The following NOP58 variants were observed in gnomAD, a reference collection of about 807,000 sequenced individuals.
NOP58 encodes the protein NOP58 ribonucleoprotein, also known as nucleolar protein 58.
Under a neutral mutation model 71.2 loss-of-function variants are expected in NOP58, and 44 were observed. That is an observed-to-expected ratio of 0.62 (90% CI 0.49 to 0.79). NOP58 has a LOEUF of 0.79. Among genes scored for constraint, NOP58 ranks in the 30% least tolerant of loss-of-function variants. NOP58 has a pLI of 0.00. For synonymous variants in NOP58, 228 were observed against 200.3 expected, an observed-to-expected ratio of 1.14 and a Z score of -1.17; for missense variants, 538 against 620.2, an observed-to-expected ratio of 0.87 and a Z score of 1.41.
Position 202,288,763 on chromosome 2 carries a change from C to T in NOP58, c.499+1039C>T, listed in dbSNP as rs187926755. ...CTGAGAGGCGGAGGTTGCAGTGGGC[C>T]GAGATCGCACCATTTCACTCTAGCT... On this transcript the variant is annotated intron_variant, in intron 6 of 14. Coordinates refer to ENST00000264279, the MANE Select transcript of NOP58 (RefSeq NM_015934.5). Among the ~76,000 whole-genome samples the T allele has an allele frequency of 4.6e-5, 7 of 150,568 alleles. No individual in the cohort carries two copies. In the East Asian group the frequency reaches 7.8e-4, roughly 17 times the overall value.
At chr2:202,293,094 G>T (rs1214896844) in intron 9 of NOP58, 191 bp downstream of exon 9, 1 of 760,898 alleles carries the variant, frequency 1.3e-6, no homozygotes, top group Non-Finnish European at 2.4e-6. Flanking sequence ...TTTCCTTTTG[G>T]ATAATGAAGG....
intron 2 of NOP58, 70 bp from the exon 3 acceptor site, chr2:202,277,880 A>T (rs1321669347): frequency 4.9e-6 from 4 of 811,096 alleles, no homozygotes; most frequent in Non-Finnish European, 2.1e-6. Flanking sequence ...ACTTCTTTCC[A>T]AGTTATGTGG....
chr2:202,274,297 G>T (rs1438161335), intron 1 of NOP58, among the ~76,000 whole-genome samples: 2 of 151,742 alleles, frequency 1.3e-5, no homozygotes, highest in East Asian at 3.9e-4. Flanking sequence ...GCGCAATCTC[G>T]GCTCACTGCA....
Position 202,265,803 on chromosome 2 carries a change from T to A in NOP58, c.-139T>A. On this transcript the variant is annotated 5_prime_UTR_variant, in exon 1 of 15. Transcript: ENST00000264279. Reference sequence around the variant, plus strand: ...CGTGGAGGGTTTAGGCAGCGTGTTCTGATTCTTTGCGGGACGGCGAGCGCA... The same window carrying A: ...CGTGGAGGGTTTAGGCAGCGTGTTCAGATTCTTTGCGGGACGGCGAGCGCA... 1 of 856,102 alleles carries A rather than the reference T, an allele frequency of 1.2e-6. No individual in the cohort carries two copies. Among genetic ancestry groups the A allele is most frequent in the Non-Finnish European group, 1.9e-6 (1 of 521,578 alleles). The allele number at this position is 856,102 out of a possible 1,614,324, so 53.0% of individuals were successfully genotyped here.
chr2:202,278,616 T>A (rs1688644537), intron 3 of NOP58, among the ~76,000 whole-genome samples: 1 of 152,202 alleles, frequency 6.6e-6, no homozygotes. Flanking sequence ...GCAGTAGGTC[T>A]TACAGTTTTG....
At chr2:202,280,355 A>G (rs1214598666) in intron 3 of NOP58, among the ~76,000 whole-genome samples, 1 of 151,082 alleles carries the variant, frequency 6.6e-6, no homozygotes, top group African/African-American at 2.4e-5. Flanking sequence ...ATGGAGTTTC[A>G]TTTTGTCACC....
At chr2:202,271,384 C>CG in intron 1 of NOP58, among the ~76,000 whole-genome samples, 1 of 146,792 alleles carries the variant, frequency 6.8e-6, no homozygotes, top group South Asian at 2.2e-4. Context: ...GGTGCAACCC[C>CG]GACTTTACTA....
chr2:202,265,965 T>A lies in NOP58; in HGVS notation c.24T>A (p.Ser8=), dbSNP rs1196544273. 1 of 1,614,168 alleles carries A rather than the reference T, an allele frequency of 6.2e-7. No homozygotes were observed. The highest frequency in any genetic ancestry group is 2.2e-5 in the East Asian group (1 of 44,886). ...CCATGTTGGTGCTGTTTGAAACGTCTGTGGGTTACGCCATCTTTAAGGTAG... is the reference window on the plus strand; with the variant it reads ...CCATGTTGGTGCTGTTTGAAACGTCAGTGGGTTACGCCATCTTTAAGGTAG... MLVLFET[S]VGYAIFKVLN... Residue 8 remains serine (S), a synonymous_variant, in exon 1 of 15, where the codon TCT becomes TCA. Transcript: ENST00000264279.
chr2:202,270,809 G>T (rs189517074), intron 1 of NOP58, among the ~76,000 whole-genome samples: 3 of 152,162 alleles, frequency 2.0e-5, no homozygotes, highest in Non-Finnish European at 4.4e-5. Flanking sequence ...AAATGAGGAG[G>T]CTGGACATGG....
At chr2:202,288,683 T>C (rs1421049898) in intron 6 of NOP58, among the ~76,000 whole-genome samples, 1 of 151,628 alleles carries the variant, frequency 6.6e-6, no homozygotes, top group Non-Finnish European at 1.5e-5. Flanking sequence ...AGCATGATGG[T>C]AGGCGCCTGT....
At chr2:202,297,584 A>T (rs1574389235) in intron 11 of NOP58, 71 bp downstream of exon 11, 1 of 1,459,594 alleles carries the variant, frequency 6.9e-7, no homozygotes, top group East Asian at 2.3e-5. Flanking sequence ...AAATTTATTA[A>T]CTTCATCTGC....
chr2:202,286,200 G>T (rs1040029096), intron 5 of NOP58, among the ~76,000 whole-genome samples: 1 of 125,256 alleles, frequency 8.0e-6, no homozygotes, highest in Non-Finnish European at 1.7e-5. Flanking sequence ...AAAAAAAAAA[G>T]GGAGAAAGAA....
At chr2:202,271,360 A>C (rs1409133468) in intron 1 of NOP58, among the ~76,000 whole-genome samples, 2 of 151,322 alleles carry the variant, frequency 1.3e-5, no homozygotes, top group African/African-American at 2.4e-5. Context: ...GTTCGAGACC[A>C]GCCTGGGCAA....
At chr2:202,269,555 G>A (rs1461570908) in intron 1 of NOP58, among the ~76,000 whole-genome samples, 1 of 152,054 alleles carries the variant, frequency 6.6e-6, no homozygotes, top group Non-Finnish European at 1.5e-5. Flanking sequence ...TAAAGGAACT[G>A]TTGTGATTAA....
At chr2:202,282,259 G>A (rs1688718026) in intron 3 of NOP58, 92 bp from the exon 4 acceptor site, 6 of 925,742 alleles carry the variant, frequency 6.5e-6, no homozygotes, top group African/African-American at 1.7e-5. Flanking sequence ...CCTTTGAAAG[G>A]CCTATTTTAT....
intron 5 of NOP58, among the ~76,000 whole-genome samples, chr2:202,285,073 A>G (rs1688766792): frequency 6.6e-6 from 1 of 151,736 alleles, no homozygotes; most frequent in Non-Finnish European, 1.5e-5. Flanking sequence ...GCAGATTCTC[A>G]CTCTGTCGCC....
chr2:202,268,800 A>T (rs1688463306), intron 1 of NOP58, among the ~76,000 whole-genome samples: 1 of 151,300 alleles, frequency 6.6e-6, no homozygotes, highest in South Asian at 2.1e-4. Flanking sequence ...TAGTAGTGAC[A>T]GGGTTTCTCC....
intron 8 of NOP58, among the ~76,000 whole-genome samples, chr2:202,291,595 C>G (rs1271708238): frequency 6.6e-6 from 1 of 152,040 alleles, no homozygotes; most frequent in African/African-American, 2.4e-5. Context: ...GACCTGAGGT[C>G]AGGAGTTCGA....
chr2:202,302,437 T>A lies in NOP58; in HGVS notation c.1403-484T>A, dbSNP rs144574910. ...GCTATGTGTTGAGTCCTTATTGTAATGTGTGCTAAGCATTATACTTAGTGC... is the reference window on the plus strand; with the variant it reads ...GCTATGTGTTGAGTCCTTATTGTAAAGTGTGCTAAGCATTATACTTAGTGC... On this transcript the variant is annotated intron_variant, in intron 13 of 14. Transcript: ENST00000264279. Among the ~76,000 whole-genome samples, 58 of 152,304 alleles carry A rather than the reference T, an allele frequency of 3.8e-4. No individual in the cohort carries two copies. In the East Asian group the frequency reaches 0.011, roughly 28 times the overall value.
Sources: gnomAD v4.1 joint callset for allele counts (sites outside exome capture counted in the v4.1 genomes callset) on GRCh38, gnomAD v4.1.1 for gene constraint, MANE v1.5 for transcripts, NCBI Gene and HGNC (gene_info 2026-07-23, HGNC 2026-07-21) for gene names.